KMO: variants seen among roughly 807,000 people sequenced by gnomAD.
KMO encodes kynurenine 3-hydroxylase.
A neutral mutation model predicts 57.8 loss-of-function variants in KMO; 24 were observed. The observed-to-expected ratio is 0.42, with a 90% CI of 0.30 to 0.58. The LOEUF (loss-of-function observed/expected upper bound fraction) is 0.58, where lower values mean the gene tolerates loss of function less well. Among genes scored for constraint, KMO ranks in the 20% least tolerant of loss-of-function variants. The pLI is 0.22. For missense variants in KMO, 483 were observed against 588.2 expected (o/e 0.82, Z 1.85); for synonymous variants, 210 against 193.6 (o/e 1.08, Z -0.70).
Position 241,574,640 on chromosome 1 carries a change from T to G in KMO, c.957+5993T>G, listed in dbSNP as rs553689829. On this transcript the variant is annotated intron_variant, in intron 10 of 14. Transcript: ENST00000366559. The stretch of plus-strand genomic sequence containing the variant: ...ATCCACTTGAACATAGTGTATTATC[T>G]TTTTGATGTGCTGTTGGATTTGGTT... Among the ~76,000 whole-genome samples the G allele has an allele frequency of 2.0e-5, 3 of 152,204 alleles. No individual in the cohort carries two copies. In the South Asian group the frequency reaches 6.2e-4, roughly 32 times the overall value.
intron 1 of KMO, among the ~76,000 whole-genome samples, chr1:241,532,849 C>T (rs1364859391): frequency 1.3e-5 from 2 of 152,236 alleles, no homozygotes; most frequent in African/African-American, 4.8e-5. Context: ...GAATTAGTCT[C>T]AATATTCATT....
At chr1:241,544,976 T>C (rs961876575) in intron 1 of KMO, among the ~76,000 whole-genome samples, 18 of 152,236 alleles carry the variant, frequency 1.2e-4, no homozygotes, top group African/African-American at 4.3e-4. Flanking sequence ...TTTATACCTT[T>C]GTCTCTTTTT....
rs1662221733 is a variant in KMO at position 241,570,118 on chromosome 1, CTGAT to C, written c.957+1473_957+1476del. 2.0e-5 allele frequency among the ~76,000 whole-genome samples: 3 copies of C among 152,142 alleles called. No individual in the cohort carries two copies. The South Asian group carries it at 6.2e-4, about 32-fold the overall frequency. ...ACTGAGTTTGAGCTTCTTATATATT[CTGAT>C]TATTAATCCCTTGTCAGATGGGTAG... On this transcript the variant is annotated intron_variant, in intron 10 of 14. Coordinates refer to ENST00000366559, the MANE Select transcript of KMO (RefSeq NM_003679.5).
chr1:241,581,129 A>G lies in KMO; in HGVS notation c.958-5550A>G, dbSNP rs567880313. Among the ~76,000 whole-genome samples the G allele has an allele frequency of 2.0e-5, 3 of 152,238 alleles. No homozygotes were observed. The East Asian group carries it at 5.8e-4, about 29-fold the overall frequency. On this transcript the variant is annotated intron_variant, in intron 10 of 14. Transcript: ENST00000366559. ...TTTGTCTTGAAATCCATTTTGTCTC[A>G]TATAAGTATAGCAACTCCTGCTCTT... is the stretch of plus-strand genomic sequence containing the variant.
intron 4 of KMO, among the ~76,000 whole-genome samples, chr1:241,551,715 A>T (rs746156308): frequency 6.6e-6 from 1 of 152,138 alleles, no homozygotes; most frequent in Non-Finnish European, 1.5e-5. Context: ...AAAAACTCCA[A>T]CTTCCTTTAT....
intron 10 of KMO, among the ~76,000 whole-genome samples, chr1:241,583,796 G>T (rs2880421): frequency 9.0e-6 from 1 of 111,584 alleles, no homozygotes; most frequent in East Asian, 3.0e-4. Flanking sequence ...GGTATATGTG[G>T]CTGACCATAT....
At chr1:241,556,562 CAATT>C (rs1381971462) in intron 5 of KMO, among the ~76,000 whole-genome samples, 1 of 152,172 alleles carries the variant, frequency 6.6e-6, no homozygotes, top group East Asian at 1.9e-4. Context: ...TAAACTCAAA[CAATT>C]TGCAAAGTGA....
intron 5 of KMO, among the ~76,000 whole-genome samples, chr1:241,559,261 T>G (rs1415659882): frequency 1.3e-5 from 2 of 152,096 alleles, no homozygotes; most frequent in Non-Finnish European, 2.9e-5. Context: ...ATAGCCACAC[T>G]CCAAGTACTC....
chr1:241,543,301 C>A (rs1460114205), intron 1 of KMO, among the ~76,000 whole-genome samples: 1 of 152,100 alleles, frequency 6.6e-6, no homozygotes, highest in Non-Finnish European at 1.5e-5. Flanking sequence ...ACATATTTAT[C>A]TCATGTATAC....
Position 241,593,436 on chromosome 1 carries a change from TA to T in KMO, c.*1288del. On this transcript the variant is annotated 3_prime_UTR_variant, in exon 15 of 15. Transcript: ENST00000366559. ...TGAAACACTAGAGTCATATAAGAAA[TA>T]AAAATTGGGCAATAAAATAAAATGA... The T allele has an allele frequency of 2.7e-6, 1 of 367,990 alleles. No homozygotes were observed. The highest frequency in any genetic ancestry group is 2.1e-5 in the South Asian group (1 of 48,326). The allele number at this position is 367,990 out of a possible 1,614,324, so 22.8% of individuals were successfully genotyped here.
Position 241,586,644 on chromosome 1 carries a change from T to C in KMO, c.958-35T>C, listed in dbSNP as rs1448439532. The stretch of plus-strand genomic sequence containing the variant: ...ATAAGGGTTTCTTTTTTATTATTTC[T>C]AGTTTCTTATTTCTCTTTTTTTTTC... On this transcript the variant is annotated intron_variant, in intron 10 of 14. Coordinates refer to ENST00000366559, the MANE Select transcript of KMO (RefSeq NM_003679.5). 3.0e-6 allele frequency: 4 copies of C among 1,355,716 alleles called. No individual in the cohort carries two copies. In the Admixed American group the frequency reaches 5.8e-5, roughly 20 times the overall value. 84.0% of individuals were successfully genotyped at this position (1,355,716 alleles called of 1,614,324 possible).
intron 1 of KMO, among the ~76,000 whole-genome samples, chr1:241,542,325 G>A (rs1418966580): frequency 2.0e-5 from 3 of 152,162 alleles, no homozygotes; most frequent in African/African-American, 7.2e-5. Context: ...TTAAGTGGTA[G>A]GTTAGGCATC....
At position 241,571,253 on chromosome 1, in the gene KMO, A is replaced by T. The variant is rs189506275; in HGVS notation, c.957+2606A>T. 1.8e-4 allele frequency among the ~76,000 whole-genome samples: 27 copies of T among 152,072 alleles called. No homozygotes were observed. The East Asian group carries it at 4.8e-3, about 27-fold the overall frequency. On this transcript the variant is annotated intron_variant, in intron 10 of 14. Transcript: ENST00000366559. ...AGGATAATTTGACTTCTTCCTTTCCAATTTGGATGTTCTTTATTTCTTTCT... is the reference window on the plus strand; with the variant it reads ...AGGATAATTTGACTTCTTCCTTTCCTATTTGGATGTTCTTTATTTCTTTCT...
At position 241,564,994 on chromosome 1, in the gene KMO, T is replaced by C. The variant is rs761777485; in HGVS notation, c.623T>C (p.Met208Thr). ...ATATTCTTTTTTCTGCAGTATGCCA[T>C]GGAACCTAATTATCTGCATATTTGG... The part of the protein sequence containing the change: ...TIPPKNGDYA[M>T]EPNYLHIWPR... The change falls in exon 8 of 15, where the codon ATG becomes ACG. Residue 208 changes from methionine (M) to threonine (T), a missense_variant. Physicochemically the swap from Met to Thr is moderately conservative, Grantham distance 81. Coordinates refer to ENST00000366559, the MANE Select transcript of KMO (RefSeq NM_003679.5). 8 of 1,601,410 alleles carry C rather than the reference T, an allele frequency of 5.0e-6. No homozygotes were observed. The highest frequency in any genetic ancestry group is 2.7e-5 in the African/African-American group (2 of 74,630).
chr1:241,546,705 T>C (rs1045970445), intron 1 of KMO, among the ~76,000 whole-genome samples: 14 of 152,134 alleles, frequency 9.2e-5, no homozygotes, highest in African/African-American at 1.9e-4. Context: ...GTGGAGAGAA[T>C]TGATGAGATG....
chr1:241,549,794 T>A lies in KMO; in HGVS notation c.222+20T>A. On this transcript the variant is annotated intron_variant, in intron 3 of 14. Coordinates refer to ENST00000366559, the MANE Select transcript of KMO (RefSeq NM_003679.5). ...GATCAGGTACTTAATGTATCTTTCT[T>A]ACAGAAGATAATACCTGGTATTTTT... 7.0e-7 allele frequency: 1 copy of A among 1,437,748 alleles called. No homozygotes were observed. The allele number at this position is 1,437,748 out of a possible 1,614,324, so 89.1% of individuals were successfully genotyped here. A position where few individuals can be genotyped will look rare whatever the true frequency, so the allele number is the denominator to read the frequency against.
rs1285496466 is a variant in KMO, at chr1:241,549,739, C to A, written c.187C>A (p.Arg63=). The stretch of plus-strand genomic sequence containing the variant: ...TAACTTAGCCCTTTCTCATAGAGGA[C>A]GACAAGCCTTGAAAGCTGTTGGCCT... ...SINLALSHRG[R]QALKAVGLED... Residue 63 remains arginine (R), a synonymous_variant, in exon 3 of 15, where the codon CGA becomes AGA. Coordinates refer to ENST00000366559, the MANE Select transcript of KMO (RefSeq NM_003679.5). 3.1e-6 allele frequency: 5 copies of A among 1,612,928 alleles called. No individual in the cohort carries two copies. The highest frequency in any genetic ancestry group is 3.4e-6 in the Non-Finnish European group (4 of 1,179,318).
chr1:241,562,943 CGGGAA>C (rs71174818), intron 7 of KMO, among the ~76,000 whole-genome samples: 51 of 76,680 alleles, frequency 6.7e-4, no homozygotes, highest in Admixed American at 1.1e-3. Flanking sequence ...AGGAAGGAGA[CGGGAA>C]GGGAAGGGAA....
In KMO at chr1:241,532,432, T is replaced by C. The variant is rs1241667049; in HGVS notation, c.-13T>C. On this transcript the variant is annotated 5_prime_UTR_variant, in exon 1 of 15. Transcript: ENST00000366559. ...CAGAAGCAACAATAATTGTGAAAAA[T>C]ACTTCAGCAGTTATGGACTCATCTG... 4 of 1,612,124 alleles carry C rather than the reference T, an allele frequency of 2.5e-6. No individual in the cohort carries two copies. Among genetic ancestry groups the C allele is most frequent in the Non-Finnish European group, 3.4e-6 (4 of 1,179,326 alleles).
Sources: gnomAD v4.1 joint callset for allele counts (sites outside exome capture counted in the v4.1 genomes callset) on GRCh38, gnomAD v4.1.1 for gene constraint, MANE v1.5 for transcripts, NCBI Gene and HGNC (gene_info 2026-07-23, HGNC 2026-07-21) for gene names.